DLC1: variants seen among roughly 807,000 people sequenced by gnomAD.
DLC1 encodes the protein rho GTPase-activating protein 7.
Under a neutral mutation model 140.3 loss-of-function variants are expected in DLC1, and 54 were observed. The observed-to-expected ratio is 0.38, with a 90% CI of 0.31 to 0.48. The LOEUF (loss-of-function observed/expected upper bound fraction) is 0.48, where lower values mean the gene tolerates loss of function less well. DLC1 is among the 20% of genes least tolerant of loss of function. DLC1 has a pLI of 0.96. For missense variants in DLC1, 2,536 were observed against 1,907.0 expected, an observed-to-expected ratio of 1.33 and a Z score of -6.14; for synonymous variants, 986 against 728.1, an observed-to-expected ratio of 1.35 and a Z score of -5.70.
At chr8:13,293,115 A>C (rs1831825190) in intron 5 of DLC1, among the ~76,000 whole-genome samples, 1 of 152,142 alleles carries the variant, frequency 6.6e-6, no homozygotes, top group Admixed American at 6.5e-5. Flanking sequence ...GTGTAGTCCC[A>C]CTTACTGGGG....
chr8:13,338,292 A>G (rs986516426), intron 4 of DLC1, among the ~76,000 whole-genome samples: 1 of 152,178 alleles, frequency 6.6e-6, no homozygotes, highest in Non-Finnish European at 1.5e-5. Flanking sequence ...AATTAGAGTC[A>G]CAAAGCCATG....
At chr8:13,387,086 A>T (rs1452309073) in intron 4 of DLC1, among the ~76,000 whole-genome samples, 2 of 152,038 alleles carry the variant, frequency 1.3e-5, no homozygotes, top group Non-Finnish European at 2.9e-5. Flanking sequence ...AGTTGTCTAA[A>T]CTTCCCTTAA....
intron 5 of DLC1, among the ~76,000 whole-genome samples, chr8:13,262,319 T>C (rs756862073): frequency 6.5e-4 from 99 of 151,874 alleles, no homozygotes; most frequent in Admixed American, 1.1e-3. Flanking sequence ...ACATATTTCA[T>C]AAGAAATGAT....
chr8:13,175,789 A>G (rs1825728038), intron 5 of DLC1, among the ~76,000 whole-genome samples: 1 of 152,224 alleles, frequency 6.6e-6, no homozygotes, highest in South Asian at 2.1e-4. Context: ...ATATATTCCT[A>G]TAGCTGTCAT....
rs919528950 is a variant in DLC1 at position 13,099,518 on chromosome 8, A to C, written c.2819T>G (p.Val940Gly). ...EGDSDSALDS[V>G]SPCPSSPKQI... ...TTTTGGAGAGGACGGGCAGGGAGAG[A>C]CCGAGTCCAGGGCTGAGTCCGAATC... Residue 940 changes from valine to glycine, a missense_variant, in exon 9 of 18, where the codon GTC (valine) becomes GGC (glycine). By Grantham distance (109) the Val-to-Gly change is moderately radical. Transcript: ENST00000276297. 4 of 1,613,896 alleles carry C rather than the reference A, an allele frequency of 2.5e-6. No homozygotes were observed. The African/African-American group carries it at 5.3e-5, about 22-fold the overall frequency.
At chr8:13,170,440 G>A (rs1045078930) in intron 5 of DLC1, among the ~76,000 whole-genome samples, 3 of 152,098 alleles carry the variant, frequency 2.0e-5, no homozygotes, top group African/African-American at 7.2e-5. Context: ...CTTTGAAAAT[G>A]TGTTTCCGGG....
intron 5 of DLC1, among the ~76,000 whole-genome samples, chr8:13,264,793 T>A (rs1830617135): frequency 6.6e-6 from 1 of 152,202 alleles, no homozygotes; most frequent in Admixed American, 6.5e-5. Context: ...GAAGCAAAGA[T>A]AACAATTCCA....
At chr8:13,161,382 G>C (rs1585807136) in intron 5 of DLC1, among the ~76,000 whole-genome samples, 1 of 152,044 alleles carries the variant, frequency 6.6e-6, no homozygotes, top group Admixed American at 6.5e-5. Flanking sequence ...CTGTTGCTCA[G>C]GCTGAGTGTA....
At chr8:13,376,193 C>A (rs894887749) in intron 4 of DLC1, among the ~76,000 whole-genome samples, 12 of 152,162 alleles carry the variant, frequency 7.9e-5, no homozygotes, top group African/African-American at 2.9e-4. Context: ...CCCATTTTCT[C>A]TTCCAGAGAA....
At chr8:13,131,030 T>A (rs538044447) in intron 5 of DLC1, among the ~76,000 whole-genome samples, 33 of 152,284 alleles carry the variant, frequency 2.2e-4, no homozygotes, top group South Asian at 1.2e-3. Context: ...TCAGAAAATG[T>A]CTCAAAATAA....
rs534010255 is a variant in DLC1 at position 13,587,331 on chromosome 8, A to C, written c.-126+17206T>G. Among the ~76,000 whole-genome samples, 219 of 152,086 alleles carry C rather than the reference A, an allele frequency of 1.4e-3. 2 individuals are homozygous for C. Among genetic ancestry groups the C allele is most frequent in the South Asian group, 7.7e-3 (37 of 4,820 alleles). ...GAAAGAGATTAAAAACAGCTGGAAC[A>C]TATGTCTATTTTCACCTCCTCCATC... On this transcript the variant is annotated intron_variant, in intron 1 of 1. Transcript: ENST00000631382.
chr8:13,401,663 C>G (rs2117253370), intron 2 of DLC1, 44 bp from the exon 3 acceptor site: 1 of 1,585,644 alleles, frequency 6.3e-7, no homozygotes, highest in Non-Finnish European at 8.6e-7. Flanking sequence ...AAGGCCATTT[C>G]TTAATAAGAA....
chr8:13,526,236 C>G (rs996044088), intron 1 of DLC1, among the ~76,000 whole-genome samples: 10 of 152,106 alleles, frequency 6.6e-5, no homozygotes, highest in African/African-American at 2.4e-4. Flanking sequence ...AAGTTTTACA[C>G]CAAGTATTAT....
chr8:13,552,043 A>G (rs1311649006), intron 1 of DLC1, among the ~76,000 whole-genome samples: 1 of 141,980 alleles, frequency 7.0e-6, no homozygotes, highest in East Asian at 2.1e-4. Flanking sequence ...GTGTGTGTAT[A>G]TATATATATA....
chr8:13,577,757 G>A (rs1031601861), intron 1 of DLC1, among the ~76,000 whole-genome samples: 3 of 152,126 alleles, frequency 2.0e-5, no homozygotes, highest in Middle Eastern at 3.4e-3. Flanking sequence ...TGTGTATTTG[G>A]TTATAGGATA....
At chr8:13,493,805 T>C (rs1428064565) in intron 2 of DLC1, among the ~76,000 whole-genome samples, 3 of 152,164 alleles carry the variant, frequency 2.0e-5, no homozygotes, top group East Asian at 3.9e-4. Context: ...ATGTCACCCA[T>C]TGGTCAATGT....
chr8:13,263,092 A>G (rs1221601816), intron 5 of DLC1, among the ~76,000 whole-genome samples: 2 of 152,162 alleles, frequency 1.3e-5, no homozygotes, highest in East Asian at 1.9e-4. Flanking sequence ...AATTTATCCA[A>G]TATTTGGGGA....
At chr8:13,193,828 C>T (rs925571827) in intron 5 of DLC1, among the ~76,000 whole-genome samples, 2 of 152,166 alleles carry the variant, frequency 1.3e-5, no homozygotes, top group Non-Finnish European at 2.9e-5. Context: ...TGCCAGTACT[C>T]ATTGGATTTC....
intron 5 of DLC1, among the ~76,000 whole-genome samples, chr8:13,296,323 A>G (rs1270820585): frequency 6.6e-6 from 1 of 152,086 alleles, no homozygotes. Context: ...GGGCCCTTTC[A>G]TAAATTGTCT....
Sources: allele counts gnomAD v4.1 joint callset (sites outside exome capture counted in the v4.1 genomes callset), GRCh38; gene constraint gnomAD v4.1.1; transcripts MANE v1.5; gene names NCBI Gene and HGNC (gene_info 2026-07-23, HGNC 2026-07-21).